The following COL4A2 variants were observed in gnomAD, a reference collection of about 807,000 sequenced individuals.
COL4A2 encodes collagen alpha-2(IV) chain.
Under a neutral mutation model 200.2 loss-of-function variants are expected in COL4A2, and 99 were observed. That is an observed-to-expected ratio of 0.49 (90% CI 0.42 to 0.58). The LOEUF is 0.58. Among genes scored for constraint, COL4A2 ranks in the 20% least tolerant of loss-of-function variants. The pLI is 0.00. For missense variants in COL4A2, 1,950 were observed against 2,314.1 expected (o/e 0.84, Z 3.23); for synonymous variants, 897 against 900.6 (o/e 1.00, Z 0.07).
chr13:110,509,268 T>TACACACACAC (rs1474219877), intron 47 of COL4A2, among the ~76,000 whole-genome samples: 4 of 120,622 alleles, frequency 3.3e-5, no homozygotes, highest in African/African-American at 1.5e-4. Context: ...TATATATATA[T>TACACACACAC]ATACACACAC....
chr13:110,482,940 C>T (rs1348381010), intron 32 of COL4A2, among the ~76,000 whole-genome samples: 1 of 152,160 alleles, frequency 6.6e-6, no homozygotes, highest in Non-Finnish European at 1.5e-5. Context: ...GAAACATATT[C>T]CACCATGATT....
chr13:110,505,023 A>C (rs1225956658), intron 45 of COL4A2, among the ~76,000 whole-genome samples: 1 of 151,928 alleles, frequency 6.6e-6, no homozygotes, highest in East Asian at 1.9e-4. Context: ...GCTCAGTTTG[A>C]GCCAATGGTC....
intron 4 of COL4A2, among the ~76,000 whole-genome samples, chr13:110,393,584 GAAA>G (rs922447524): frequency 1.4e-5 from 2 of 140,716 alleles, no homozygotes; most frequent in East Asian, 2.0e-4. Context: ...TATAAAGAGG[GAAA>G]AAAAAAAAAG....
intron 45 of COL4A2, among the ~76,000 whole-genome samples, chr13:110,504,562 C>T (rs917580780): frequency 3.9e-5 from 6 of 152,118 alleles, no homozygotes; most frequent in South Asian, 2.1e-4. Context: ...CAAAAGAAAC[C>T]GACTATTAAA....
chr13:110,388,787 A>T (rs1878871746), intron 4 of COL4A2, among the ~76,000 whole-genome samples: 1 of 152,172 alleles, frequency 6.6e-6, no homozygotes, highest in African/African-American at 2.4e-5. Flanking sequence ...GTGTTGCTCA[A>T]ACTTCAAAGG....
At chr13:110,485,171 C>T in intron 33 of COL4A2, 144 bp downstream of exon 33, 1 of 678,874 alleles carries the variant, frequency 1.5e-6, no homozygotes, top group Non-Finnish European at 2.4e-6. Context: ...CCCTGTGTGT[C>T]CATAGCTGGC....
At position 110,436,291 on chromosome 13, in the gene COL4A2, C is replaced by G. The variant is rs867040906; in HGVS notation, c.749C>G (p.Pro250Arg). 6.2e-7 allele frequency: 1 copy of G among 1,613,892 alleles called. No homozygotes were observed. Among genetic ancestry groups the G allele is most frequent in the Non-Finnish European group, 8.5e-7 (1 of 1,179,986 alleles). ...CAGGGTGACGTAGGGCAGCCGGGACCCAACGGGATTCCATCAGACACCCTC... is the reference window on the plus strand; with the variant it reads ...CAGGGTGACGTAGGGCAGCCGGGACGCAACGGGATTCCATCAGACACCCTC... ...GEKGDVGQPG[P>R]NGIPSDTLHP... The change falls in exon 13 of 48, where the codon CCC (proline) becomes CGC (arginine). Residue 250 changes from proline to arginine, a missense_variant. This residue lies in a region of COL4A2 where 565 missense variants were observed against 593.5 expected (regional missense o/e 0.95). Coordinates refer to ENST00000360467, the MANE Select transcript of COL4A2 (RefSeq NM_001846.4).
chr13:110,355,198 A>T (rs12184539), intron 3 of COL4A2, among the ~76,000 whole-genome samples: 1 of 151,854 alleles, frequency 6.6e-6, no homozygotes. Context: ...TAACTGTGTG[A>T]TAATAGGGAG....
intron 3 of COL4A2, among the ~76,000 whole-genome samples, chr13:110,352,842 T>TG (rs1877022289): frequency 6.6e-6 from 1 of 152,116 alleles, no homozygotes; most frequent in South Asian, 2.1e-4. Flanking sequence ...TTTCCTGCCT[T>TG]GGGGTGAAGG....
At chr13:110,510,255 C>T (rs1884041085) in intron 47 of COL4A2, among the ~76,000 whole-genome samples, 1 of 152,212 alleles carries the variant, frequency 6.6e-6, no homozygotes, top group Non-Finnish European at 1.5e-5. Flanking sequence ...TCCCTACAAG[C>T]GAGCGCCACG....
rs1174882926 is a variant in COL4A2 at position 110,436,387 on chromosome 13, CTT to C, written c.825+23_825+24del. 25 of 1,604,550 alleles carry C rather than the reference CTT, an allele frequency of 1.6e-5. No homozygotes were observed. Among genetic ancestry groups the C allele is most frequent in the Middle Eastern group, 1.7e-4 (1 of 6,012 alleles). On this transcript the variant is annotated intron_variant, in intron 13 of 47. Transcript: ENST00000360467. Reference sequence around the variant, plus strand: ...TACAAGGTAAAGAGCAAAATTGACTCTTTTCATAGTTGAAATAAAAAAAGGAG... The same window carrying C: ...TACAAGGTAAAGAGCAAAATTGACTCTTCATAGTTGAAATAAAAAAAGGAG...
chr13:110,435,075 G>A (rs1000343870), intron 12 of COL4A2, among the ~76,000 whole-genome samples: 65 of 152,196 alleles, frequency 4.3e-4, no homozygotes, highest in Admixed American at 7.2e-4. Context: ...CCTCATGATT[G>A]GAACATTTCT....
intron 17 of COL4A2, 126 bp downstream of exon 17, chr13:110,446,008 A>C (rs1594218131): frequency 2.3e-5 from 21 of 932,000 alleles, no homozygotes; most frequent in Non-Finnish European, 3.4e-5. Context: ...CCCCAAATAC[A>C]CGGCCTCTGA....
At chr13:110,416,791 A>C (rs1218404798) in intron 4 of COL4A2, among the ~76,000 whole-genome samples, 1 of 152,206 alleles carries the variant, frequency 6.6e-6, no homozygotes, top group Admixed American at 6.5e-5. Context: ...CATGACAGAA[A>C]CCAGTGGCTT....
chr13:110,393,909 A>G (rs1246154897), intron 4 of COL4A2, among the ~76,000 whole-genome samples: 1 of 152,200 alleles, frequency 6.6e-6, no homozygotes, highest in African/African-American at 2.4e-5. Flanking sequence ...TGACTCAGAT[A>G]CAATGAGGGT....
At chr13:110,452,953 C>T (rs1263195537) in intron 20 of COL4A2, among the ~76,000 whole-genome samples, 2 of 151,578 alleles carry the variant, frequency 1.3e-5, no homozygotes, top group African/African-American at 2.4e-5. Flanking sequence ...TTGGTAGAGA[C>T]GGGGGTTTCA....
At chr13:110,323,996 G>A (rs186535007) in intron 3 of COL4A2, among the ~76,000 whole-genome samples, 5 of 152,302 alleles carry the variant, frequency 3.3e-5, no homozygotes, top group African/African-American at 9.6e-5. Context: ...TTGAATTACA[G>A]TCGAAAAAAT....
Position 110,485,030 on chromosome 13 carries a change from G to A in COL4A2, c.3025+3G>A. 1 of 1,591,914 alleles carries A rather than the reference G, an allele frequency of 6.3e-7. No homozygotes were observed. The highest frequency in any genetic ancestry group is 8.6e-7 in the Non-Finnish European group (1 of 1,165,014). ...GAAAGGATACCTGGGCGCAAAAGGT[G>A]AGGCTTCTGACCTGCAGCCAGGGGC... On this transcript the variant is annotated splice_donor_region_variant and intron_variant, in intron 33 of 47. Transcript: ENST00000360467.
chr13:110,489,520 C>T lies in COL4A2; in HGVS notation c.3271+12C>T, dbSNP rs1389468832. 2 of 1,613,878 alleles carry T rather than the reference C, an allele frequency of 1.2e-6. No individual in the cohort carries two copies. The highest frequency in any genetic ancestry group is 1.7e-6 in the Non-Finnish European group (2 of 1,179,962). Reference sequence around the variant, plus strand: ...GACTGGTGATTTCGGTGAGTGTTGCCCGTCCAGTGAAAACAGGGAGTCCAC... The same window carrying T: ...GACTGGTGATTTCGGTGAGTGTTGCTCGTCCAGTGAAAACAGGGAGTCCAC... On this transcript the variant is annotated intron_variant, in intron 35 of 47. Coordinates refer to ENST00000360467, the MANE Select transcript of COL4A2 (RefSeq NM_001846.4).
Sources: allele counts gnomAD v4.1 joint callset (sites outside exome capture counted in the v4.1 genomes callset), GRCh38; gene constraint gnomAD v4.1.1; regional missense constraint gnomAD v4.1.1; transcripts MANE v1.5; gene names NCBI Gene and HGNC (gene_info 2026-07-23, HGNC 2026-07-21).